RBMS3: variants seen among roughly 807,000 people sequenced by gnomAD.
RBMS3 encodes RNA binding motif single stranded interacting protein 3, also known as RNA-binding motif, single-stranded-interacting protein 3.
A neutral mutation model predicts 66.8 loss-of-function variants in RBMS3; 27 were observed. The ratio of observed to expected loss-of-function variants is 0.40; its 90% CI spans 0.30 to 0.56. The LOEUF is 0.56. Among genes scored for constraint, RBMS3 ranks in the 20% least tolerant of loss-of-function variants. The pLI, the probability that RBMS3 is intolerant of heterozygous loss-of-function variation, is 0.40. For synonymous variants in RBMS3, 188 were observed against 183.0 expected (o/e 1.03, Z -0.22); for missense variants, 513 against 549.5 (o/e 0.93, Z 0.66).
At chr3:29,334,771 T>A (rs986508668) in intron 1 of RBMS3, among the ~76,000 whole-genome samples, 20 of 152,174 alleles carry the variant, frequency 1.3e-4, no homozygotes, top group Non-Finnish European at 2.1e-4. Context: ...TGAGACAATA[T>A]GGCTTGGCAG....
At chr3:29,763,333 A>T (rs895234873) in intron 6 of RBMS3, among the ~76,000 whole-genome samples, 1 of 152,066 alleles carries the variant, frequency 6.6e-6, no homozygotes, top group Non-Finnish European at 1.5e-5. Flanking sequence ...CCAAACAATG[A>T]TATTCACAAT....
chr3:29,860,288 G>C (rs905371783), intron 6 of RBMS3, among the ~76,000 whole-genome samples: 7 of 152,166 alleles, frequency 4.6e-5, no homozygotes, highest in African/African-American at 1.7e-4. Context: ...CGTTCTTAAA[G>C]CATTTTGACT....
At chr3:29,630,796 T>G (rs1188618400) in intron 4 of RBMS3, among the ~76,000 whole-genome samples, 1 of 152,024 alleles carries the variant, frequency 6.6e-6, no homozygotes, top group Non-Finnish European at 1.5e-5. Context: ...ACTATGATGC[T>G]TTTTAGAAAA....
chr3:29,947,331 G>A (rs997805746), intron 12 of RBMS3, among the ~76,000 whole-genome samples: 8 of 151,476 alleles, frequency 5.3e-5, no homozygotes, highest in African/African-American at 7.3e-5. Flanking sequence ...TGTTTTCTTC[G>A]TTCTTTGCCA....
At chr3:29,417,226 A>G (rs951074506) in intron 1 of RBMS3, among the ~76,000 whole-genome samples, 19 of 151,958 alleles carry the variant, frequency 1.3e-4, no homozygotes, top group African/African-American at 3.9e-4. Flanking sequence ...TTTATTCTAA[A>G]CAAATATTCA....
At chr3:29,910,062 T>C (rs2060478208) in intron 10 of RBMS3, among the ~76,000 whole-genome samples, 1 of 152,110 alleles carries the variant, frequency 6.6e-6, no homozygotes, top group Non-Finnish European at 1.5e-5. Flanking sequence ...TTCATAAAGA[T>C]GTAGATGATG....
intron 12 of RBMS3, among the ~76,000 whole-genome samples, chr3:29,949,451 A>T (rs1222942119): frequency 6.6e-6 from 1 of 151,784 alleles, no homozygotes; most frequent in African/African-American, 2.4e-5. Context: ...AGCAAGCAGA[A>T]TTTGGTCTGT....
chr3:29,399,799 A>C (rs1172243814), intron 1 of RBMS3, among the ~76,000 whole-genome samples: 1 of 152,324 alleles, frequency 6.6e-6, no homozygotes. Context: ...TCCTAGCTAA[A>C]GCACTGATAG....
In RBMS3 at chr3:29,517,523, C is replaced by T. The variant is rs141025899; in HGVS notation, c.307+29024C>T. On this transcript the variant is annotated intron_variant, in intron 3 of 14. Coordinates refer to ENST00000383767, the MANE Select transcript of RBMS3 (RefSeq NM_001003793.3). ...TATTTTTAGTAGAGACGGGATTTCA[C>T]CTTGTTAGCCAGGATGGTTTCGATC... 8.8e-3 allele frequency among the ~76,000 whole-genome samples: 1,334 copies of T among 152,108 alleles called. 12 individuals carry two copies. The highest frequency in any genetic ancestry group is 0.036 in the South Asian group (171 of 4,810).
At position 29,983,239 on chromosome 3, in the gene RBMS3, C is replaced by CTT. The variant is rs576048110; in HGVS notation, c.1099-4893_1099-4892dup. 3.5e-4 allele frequency among the ~76,000 whole-genome samples: 48 copies of CTT among 136,240 alleles called. 2 individuals are homozygous for CTT. The highest frequency in any genetic ancestry group is 1.3e-3 in the Admixed American group (17 of 13,408). 89.4% of individuals were successfully genotyped at this position (136,240 alleles called of 152,430 possible). ...AGACTAGGATTGCAACCCCCGCCCC[C>CTT]TTTTTTTTTTTTGCTTTCTATTTGC... On this transcript the variant is annotated intron_variant, in intron 12 of 14. Transcript: ENST00000383767.
intron 4 of RBMS3, among the ~76,000 whole-genome samples, chr3:29,620,862 T>G (rs9813248): frequency 0.28 from 42,243 of 151,866 alleles, 6,262 homozygotes; most frequent in African/African-American, 0.39. Context: ...AATTGAATTT[T>G]ACGGTTTTAC....
chr3:29,417,383 C>G (rs2040521456), intron 1 of RBMS3, among the ~76,000 whole-genome samples: 1 of 151,938 alleles, frequency 6.6e-6, no homozygotes, highest in African/African-American at 2.4e-5. Flanking sequence ...TAAACTTAAC[C>G]TCTGGCTCAT....
chr3:29,926,477 C>T (rs569882663), intron 10 of RBMS3, among the ~76,000 whole-genome samples: 9 of 152,216 alleles, frequency 5.9e-5, no homozygotes, highest in African/African-American at 2.2e-4. Context: ...TAAACAATGG[C>T]CATAAGTAAG....
intron 1 of RBMS3, among the ~76,000 whole-genome samples, chr3:29,299,150 G>A (rs1575493828): frequency 6.6e-6 from 1 of 151,860 alleles, no homozygotes; most frequent in Admixed American, 6.6e-5. Flanking sequence ...GCATATAGTT[G>A]GGCATTTGGT....
intron 10 of RBMS3, among the ~76,000 whole-genome samples, chr3:29,916,900 G>A (rs1042213518): frequency 1.3e-5 from 2 of 151,888 alleles, no homozygotes; most frequent in Non-Finnish European, 2.9e-5. Context: ...AATGTTTTTA[G>A]CAGAATCAAG....
At chr3:29,700,914 C>A (rs190833735) in intron 4 of RBMS3, among the ~76,000 whole-genome samples, 1 of 151,964 alleles carries the variant, frequency 6.6e-6, no homozygotes, top group Non-Finnish European at 1.5e-5. Flanking sequence ...TTGGACATTG[C>A]GCTTTTTAGA....
intron 1 of RBMS3, among the ~76,000 whole-genome samples, chr3:29,328,414 A>G (rs1193778657): frequency 6.6e-6 from 1 of 152,188 alleles, no homozygotes; most frequent in Non-Finnish European, 1.5e-5. Flanking sequence ...CAAAAAGGAC[A>G]TTGGTATTAC....
chr3:29,894,805 T>C (rs1420349415), intron 8 of RBMS3, among the ~76,000 whole-genome samples: 1 of 151,614 alleles, frequency 6.6e-6, no homozygotes, highest in Non-Finnish European at 1.5e-5. Context: ...CTAATTTAGC[T>C]ACAATCCTCT....
At chr3:29,359,899 C>T (rs9755128) in intron 1 of RBMS3, among the ~76,000 whole-genome samples, 95,216 of 151,898 alleles carry the variant, frequency 0.63, 29,944 homozygotes, top group African/African-American at 0.68. Flanking sequence ...GATATCCCCT[C>T]TATCATTTTT....
Sources: allele counts gnomAD v4.1 joint callset (sites outside exome capture counted in the v4.1 genomes callset), GRCh38; gene constraint gnomAD v4.1.1; transcripts MANE v1.5; gene names NCBI Gene and HGNC (gene_info 2026-07-23, HGNC 2026-07-21).